METTL15: variants seen among roughly 807,000 people sequenced by gnomAD.
METTL15 encodes the protein methyltransferase 15, mitochondrial 12S rRNA N4-cytidine.
Under a neutral mutation model 38.3 loss-of-function variants are expected in METTL15, and 34 were observed. The observed-to-expected ratio is 0.89, with a 90% CI of 0.68 to 1.18. METTL15 has a LOEUF of 1.18. Among genes scored for constraint, METTL15 ranks in the 50% most tolerant of loss-of-function variants. The pLI, the probability that METTL15 is intolerant of heterozygous loss-of-function variation, is 0.00. For missense variants in METTL15, 438 were observed against 498.4 expected (o/e 0.88, Z 1.15); for synonymous variants, 162 against 170.9 (o/e 0.95, Z 0.41).
At chr11:28,485,293 T>C (rs1590391126) in intron 6 of METTL15, among the ~76,000 whole-genome samples, 1 of 152,298 alleles carries the variant, frequency 6.6e-6, no homozygotes, top group South Asian at 2.1e-4. Flanking sequence ...GGATGCTGGA[T>C]ATAATAATGA....
chr11:28,396,633 A>G (rs1226127428), intron 5 of METTL15, among the ~76,000 whole-genome samples: 2 of 152,206 alleles, frequency 1.3e-5, no homozygotes, highest in African/African-American at 4.8e-5. Context: ...CATGGATAGG[A>G]AGAATCAATA....
At chr11:28,175,423 T>G (rs1851035072) in intron 3 of METTL15, among the ~76,000 whole-genome samples, 1 of 152,198 alleles carries the variant, frequency 6.6e-6, no homozygotes, top group South Asian at 2.1e-4. Context: ...TGCATGTGTC[T>G]TTATAGCAGC....
At chr11:28,241,657 T>C (rs1203512502) in intron 4 of METTL15, among the ~76,000 whole-genome samples, 3 of 151,866 alleles carry the variant, frequency 2.0e-5, no homozygotes, top group South Asian at 2.1e-4. Flanking sequence ...ATAAGACATA[T>C]TGAGAAAGAC....
chr11:28,398,824 T>A (rs1479948264), intron 5 of METTL15: 1 of 151,932 alleles, frequency 6.6e-6, no homozygotes, highest in African/African-American at 2.4e-5. Context: ...GGAAAAACAT[T>A]CCATGCTCAT....
intron 6 of METTL15, among the ~76,000 whole-genome samples, chr11:28,519,937 C>T (rs1851751475): frequency 6.6e-6 from 1 of 152,154 alleles, no homozygotes; most frequent in Non-Finnish European, 1.5e-5. Flanking sequence ...CATTTTCCAA[C>T]ACGGCTGATT....
intron 4 of METTL15, among the ~76,000 whole-genome samples, chr11:28,266,419 T>G (rs1285023917): frequency 6.6e-6 from 1 of 152,150 alleles, no homozygotes; most frequent in African/African-American, 2.4e-5. Context: ...GGGACACAGA[T>G]GAAGCTGGAA....
intron 5 of METTL15, among the ~76,000 whole-genome samples, chr11:28,376,785 C>G (rs998875179): frequency 2.5e-4 from 37 of 150,668 alleles, no homozygotes; most frequent in Non-Finnish European, 4.6e-4. Context: ...CATGACTTTG[C>G]AGCGGCTGGT....
At chr11:28,329,106 G>A (rs958131483) in intron 6 of METTL15, among the ~76,000 whole-genome samples, 2 of 152,060 alleles carry the variant, frequency 1.3e-5, no homozygotes, top group Admixed American at 1.3e-4. Flanking sequence ...TTACAGTTAG[G>A]TCTTTGATCC....
chr11:28,396,564 C>G (rs1172382433), intron 5 of METTL15, among the ~76,000 whole-genome samples: 3 of 152,138 alleles, frequency 2.0e-5, no homozygotes. Context: ...AGGAGAACTA[C>G]AAACCACTGC....
chr11:28,183,309 T>TGAGA (rs1284816058), intron 3 of METTL15, among the ~76,000 whole-genome samples: 1 of 152,112 alleles, frequency 6.6e-6, no homozygotes, highest in Non-Finnish European at 1.5e-5. Context: ...ATAGGAGTGG[T>TGAGA]GACAGAGGGC....
At chr11:28,153,987 G>T (rs1285141791) in intron 3 of METTL15, among the ~76,000 whole-genome samples, 1 of 152,114 alleles carries the variant, frequency 6.6e-6, no homozygotes, top group African/African-American at 2.4e-5. Context: ...ACATTTTAAT[G>T]TAAATTTCTA....
intron 3 of METTL15, among the ~76,000 whole-genome samples, chr11:28,139,201 G>A (rs1359151115): frequency 1.3e-5 from 2 of 152,158 alleles, no homozygotes; most frequent in East Asian, 3.9e-4. Flanking sequence ...GGAGTGTCCT[G>A]TGGTATGGGG....
chr11:28,474,952 T>C (rs1851333030), intron 6 of METTL15, among the ~76,000 whole-genome samples: 1 of 152,166 alleles, frequency 6.6e-6, no homozygotes, highest in African/African-American at 2.4e-5. Flanking sequence ...CAACCTGACT[T>C]GCTGGTGATA....
intron 3 of METTL15, among the ~76,000 whole-genome samples, chr11:28,153,557 TAAAAG>T (rs900934713): frequency 1.3e-5 from 2 of 152,192 alleles, no homozygotes; most frequent in East Asian, 1.9e-4. Context: ...AGTGAATAGA[TAAAAG>T]AAAAATTTGA....
At chr11:28,140,805 G>A (rs749661938) in intron 3 of METTL15, among the ~76,000 whole-genome samples, 1 of 152,152 alleles carries the variant, frequency 6.6e-6, no homozygotes, top group Non-Finnish European at 1.5e-5. Context: ...CTTGTATAAG[G>A]TGTGAATTCC....
At chr11:28,293,169 T>G (rs571224964) in intron 5 of METTL15, among the ~76,000 whole-genome samples, 4 of 152,342 alleles carry the variant, frequency 2.6e-5, no homozygotes, top group African/African-American at 9.6e-5. Context: ...GGTTTTCTCC[T>G]AAGGTTTTTA....
intron 4 of METTL15, among the ~76,000 whole-genome samples, chr11:28,259,732 G>T (rs1204402501): frequency 1.3e-5 from 2 of 152,162 alleles, no homozygotes; most frequent in Non-Finnish European, 2.9e-5. Context: ...TACTGCAGGT[G>T]ATTCAAGGCT....
intron 4 of METTL15, among the ~76,000 whole-genome samples, chr11:28,218,205 C>T (rs1385876430): frequency 1.3e-5 from 2 of 152,152 alleles, no homozygotes; most frequent in East Asian, 3.9e-4. Context: ...GAATGTTCTT[C>T]CACATGTTTG....
rs1034013549 is a variant in METTL15, at chr11:28,296,896, T to C, written c.743T>C (p.Ile248Thr). Residue 248 changes from isoleucine to threonine, a missense_variant, in exon 6 of 7, where the codon ATC becomes ACC. Ile to Thr is a moderately conservative substitution (Grantham distance 89). Transcript: ENST00000407364. ...AIVQARSIYP[I>T]TRTQQLASIV... ...GTTCAGGCACGCAGCATCTACCCCA[T>C]CACCAGAACCCAGCAGCTTGCCAGC... is the stretch of plus-strand genomic sequence containing the variant. 4 of 1,613,558 alleles carry C rather than the reference T, an allele frequency of 2.5e-6. No individual in the cohort carries two copies. The Admixed American group carries it at 6.7e-5, about 27-fold the overall frequency.
Sources: gnomAD v4.1 joint callset for allele counts (sites outside exome capture counted in the v4.1 genomes callset) on GRCh38, gnomAD v4.1.1 for gene constraint, MANE v1.5 for transcripts, NCBI Gene and HGNC (gene_info 2026-07-23, HGNC 2026-07-21) for gene names.